Variants in APBA2 observed in about 807,000 individuals in gnomAD.
APBA2 encodes amyloid-beta A4 precursor protein-binding family A member 2.
A neutral mutation model predicts 75.0 loss-of-function variants in APBA2; 30 were observed. The observed-to-expected ratio is 0.40, with a 90% confidence interval of 0.30 to 0.54. APBA2 has a LOEUF of 0.54. APBA2 is among the 20% of genes least tolerant of loss of function. The pLI, the probability that APBA2 is intolerant of heterozygous loss-of-function variation, is 0.49. For missense variants in APBA2, 801 were observed against 1,016.1 expected (o/e 0.79, Z 2.88); for synonymous variants, 444 against 409.6 (o/e 1.08, Z -1.01).
intron 2 of APBA2, among the ~76,000 whole-genome samples, chr15:28,942,972 G>A (rs1048750957): frequency 1.3e-5 from 2 of 152,222 alleles, no homozygotes; most frequent in Admixed American, 1.3e-4. Flanking sequence ...AGACTGTCTG[G>A]GAGATGTTTT....
intron 2 of APBA2, among the ~76,000 whole-genome samples, chr15:28,933,301 G>T (rs530645501): frequency 6.6e-6 from 1 of 151,990 alleles, no homozygotes; most frequent in Non-Finnish European, 1.5e-5. Context: ...GATCAATGCC[G>T]TTTTAAAAGA....
intron 2 of APBA2, among the ~76,000 whole-genome samples, chr15:28,947,870 C>T (rs1173464573): frequency 6.6e-6 from 1 of 152,214 alleles, no homozygotes; most frequent in Non-Finnish European, 1.5e-5. Flanking sequence ...ATTTTCAAAA[C>T]TGACTAATGT....
intron 3 of APBA2, among the ~76,000 whole-genome samples, chr15:29,000,170 G>A (rs977288059): frequency 6.6e-6 from 1 of 152,198 alleles, no homozygotes; most frequent in Non-Finnish European, 1.5e-5. Context: ...AGACGCATGG[G>A]CACCTTGTGG....
At chr15:29,078,854 G>A (rs781527712) in intron 6 of APBA2, among the ~76,000 whole-genome samples, 1 of 152,290 alleles carries the variant, frequency 6.6e-6, no homozygotes, top group African/African-American at 2.4e-5. Context: ...TTGACATTAG[G>A]AAAGCAAAGG....
intron 2 of APBA2, among the ~76,000 whole-genome samples, chr15:28,964,612 C>G (rs541564060): frequency 1.3e-5 from 2 of 151,806 alleles, no homozygotes; most frequent in African/African-American, 2.4e-5. Context: ...CTCAGCCTCC[C>G]GAGTAGCTGG....
chr15:29,028,618 C>T (rs1329705534), intron 3 of APBA2, among the ~76,000 whole-genome samples: 2 of 152,142 alleles, frequency 1.3e-5, no homozygotes, highest in African/African-American at 4.8e-5. Flanking sequence ...ACTTGCATTC[C>T]CACCAACAGT....
chr15:28,886,496 C>T (rs2031734715), intron 1 of APBA2, among the ~76,000 whole-genome samples: 2 of 150,344 alleles, frequency 1.3e-5, no homozygotes, highest in African/African-American at 2.4e-5. Context: ...CGGCCGCTTC[C>T]CCCTCCCACG....
intron 4 of APBA2, among the ~76,000 whole-genome samples, chr15:29,066,427 G>A (rs1369829037): frequency 6.6e-6 from 1 of 152,182 alleles, no homozygotes; most frequent in Non-Finnish European, 1.5e-5. Flanking sequence ...CCTTGAAGAC[G>A]TCCTGCTAAG....
In APBA2 at chr15:28,908,315, G is replaced by GTTTTTTTTTTTTTTTT. The variant is rs765084356; in HGVS notation, c.-204-13312_-204-13311insTTTTTTTTTTTTTTTT. On this transcript the variant is annotated intron_variant, in intron 1 of 14. Transcript: ENST00000683413. Reference sequence around the variant, plus strand: ...TTGTTTTTGTTTGTTTTGTTTTCTTGTTTTTTTTTTTTTGAGACAGAGTCT... The same window carrying GTTTTTTTTTTTTTTTT: ...TTGTTTTTGTTTGTTTTGTTTTCTTGTTTTTTTTTTTTTTTTTTTTTTTTTTTTTGAGACAGAGTCT... 2.9e-5 allele frequency among the ~76,000 whole-genome samples: 4 copies of GTTTTTTTTTTTTTTTT among 137,592 alleles called. 1 individual carries two copies. The highest frequency in any genetic ancestry group is 1.2e-4 in the African/African-American group (4 of 33,128). The allele number at this position is 137,592 out of a possible 152,430, so 90.3% of individuals were successfully genotyped here.
At chr15:28,993,776 C>T (rs534107923) in intron 2 of APBA2, among the ~76,000 whole-genome samples, 73 of 152,238 alleles carry the variant, frequency 4.8e-4, no homozygotes, top group African/African-American at 1.7e-3. Context: ...AGGCGGTGGG[C>T]GATGGGCAGG....
chr15:28,905,647 T>C (rs2033096177), intron 1 of APBA2, among the ~76,000 whole-genome samples: 1 of 152,212 alleles, frequency 6.6e-6, no homozygotes, highest in Non-Finnish European at 1.5e-5. Flanking sequence ...CGCCTCAGTC[T>C]CCTGAGTAGC....
At chr15:29,038,342 A>G (rs2040850285) in intron 3 of APBA2, among the ~76,000 whole-genome samples, 1 of 152,230 alleles carries the variant, frequency 6.6e-6, no homozygotes, top group South Asian at 2.1e-4. Context: ...GGGAATTCAC[A>G]GAACCTCAGC....
chr15:28,974,924 T>G (rs1205158012), intron 2 of APBA2, among the ~76,000 whole-genome samples: 1 of 151,836 alleles, frequency 6.6e-6, no homozygotes, highest in Non-Finnish European at 1.5e-5. Flanking sequence ...GTTTTAGGAA[T>G]GAGAAAAAAA....
intron 8 of APBA2, among the ~76,000 whole-genome samples, chr15:29,097,605 T>C (rs183117920): frequency 1.1e-3 from 172 of 152,370 alleles, no homozygotes; most frequent in African/African-American, 3.9e-3. Context: ...ATATACACAT[T>C]GTGAAATGAC....
intron 2 of APBA2, among the ~76,000 whole-genome samples, chr15:28,948,323 C>T (rs1167738166): frequency 6.6e-6 from 1 of 152,002 alleles, no homozygotes; most frequent in African/African-American, 2.4e-5. Flanking sequence ...TAATGGCCAC[C>T]TCCTTCCACC....
At chr15:28,895,354 G>C (rs1000749325) in intron 1 of APBA2, among the ~76,000 whole-genome samples, 12 of 152,118 alleles carry the variant, frequency 7.9e-5, no homozygotes, top group African/African-American at 2.9e-4. Context: ...GTCAGGAGAG[G>C]GGACTGCACA....
At chr15:28,969,802 C>T (rs1595600390) in intron 2 of APBA2, among the ~76,000 whole-genome samples, 1 of 152,192 alleles carries the variant, frequency 6.6e-6, no homozygotes, top group South Asian at 2.1e-4. Context: ...AGATTCGGGT[C>T]TGAATCATTT....
chr15:28,963,359 C>T (rs893853338), intron 2 of APBA2, among the ~76,000 whole-genome samples: 2 of 152,194 alleles, frequency 1.3e-5, no homozygotes, highest in African/African-American at 4.8e-5. Context: ...AGATCCTCAG[C>T]CAGTGAGGCG....
intron 6 of APBA2, among the ~76,000 whole-genome samples, chr15:29,080,244 C>T (rs75549367): frequency 0.019 from 2,942 of 152,226 alleles, 98 homozygotes; most frequent in African/African-American, 0.067. Context: ...AATCCCGGGC[C>T]GAAGGTCACC....
Sources: allele counts gnomAD v4.1 joint callset (sites outside exome capture counted in the v4.1 genomes callset), GRCh38; gene constraint gnomAD v4.1.1; transcripts MANE v1.5; gene names NCBI Gene and HGNC (gene_info 2026-07-23, HGNC 2026-07-21).